The following CAPZB variants were observed in gnomAD, a reference collection of about 807,000 sequenced individuals.
CAPZB encodes the protein F-actin-capping protein subunit beta.
A neutral mutation model predicts 38.1 loss-of-function variants in CAPZB; 2 were observed. The observed-to-expected ratio is 0.05, with a 90% CI of 0.02 to 0.17. The LOEUF is 0.17. Among genes scored for constraint, CAPZB ranks in the 10% least tolerant of loss-of-function variants. The pLI is 1.00. For missense variants in CAPZB, 161 were observed against 334.2 expected (o/e 0.48, Z 4.04); for synonymous variants, 107 against 127.4 (o/e 0.84, Z 1.08).
chr1:19,363,259 A>AG (rs1558186990), intron 4 of CAPZB, among the ~76,000 whole-genome samples: 1 of 83,506 alleles, frequency 1.2e-5, no homozygotes, highest in Non-Finnish European at 2.7e-5. Context: ...TTAAAAAAAA[A>AG]ATTTTTTTTT....
chr1:19,364,510 C>A (rs1170073277), intron 4 of CAPZB, among the ~76,000 whole-genome samples: 1 of 152,212 alleles, frequency 6.6e-6, no homozygotes, highest in African/African-American at 2.4e-5. Context: ...GACTTCATGC[C>A]CTTTCCTTGC....
rs1372577366 is a variant in CAPZB at position 19,339,166 on chromosome 1, T to A, written c.*364A>T. On this transcript the variant is annotated 3_prime_UTR_variant, in exon 9 of 9. Transcript: ENST00000264202. ...AGTTAGTTCATAAAATTTTTTTGTT[T>A]TACATTTTTTACACCAATGTACCAA... 1 of 233,138 alleles carries A rather than the reference T, an allele frequency of 4.3e-6. No individual in the cohort carries two copies. Among genetic ancestry groups the A allele is most frequent in the East Asian group, 1.0e-4 (1 of 9,576 alleles). The allele number at this position is 233,138 out of a possible 1,614,324, so 14.4% of individuals were successfully genotyped here. A position where few individuals can be genotyped will look rare whatever the true frequency, so the allele number is the denominator to read the frequency against.
chr1:19,429,039 G>A (rs1021274878), intron 1 of CAPZB, among the ~76,000 whole-genome samples: 60 of 152,182 alleles, frequency 3.9e-4, no homozygotes, highest in African/African-American at 1.4e-3. Flanking sequence ...TGTATTACCT[G>A]CTCTACATTT....
chr1:19,451,235 G>A (rs2094515001), intron 1 of CAPZB, among the ~76,000 whole-genome samples: 1 of 152,186 alleles, frequency 6.6e-6, no homozygotes, highest in Non-Finnish European at 1.5e-5. Context: ...GAAATGCCCA[G>A]GGTCCACACA....
intron 1 of CAPZB, among the ~76,000 whole-genome samples, chr1:19,446,802 AT>A (rs2094497449): frequency 1.3e-5 from 2 of 152,232 alleles, no homozygotes; most frequent in African/African-American, 2.4e-5. Context: ...GAAATGATAT[AT>A]AAAAACGTTA....
At chr1:19,364,060 G>A (rs536062142) in intron 4 of CAPZB, among the ~76,000 whole-genome samples, 64 of 152,320 alleles carry the variant, frequency 4.2e-4, no homozygotes, top group Admixed American at 1.1e-3. Flanking sequence ...TACCTGTGAC[G>A]CTGAGGCACA....
intron 4 of CAPZB, among the ~76,000 whole-genome samples, chr1:19,363,618 GAAAAT>G (rs2100348496): frequency 6.6e-6 from 1 of 152,284 alleles, no homozygotes; most frequent in East Asian, 1.9e-4. Flanking sequence ...AAAAAGAAAA[GAAAAT>G]GTTTCAGCTC....
intron 1 of CAPZB, among the ~76,000 whole-genome samples, chr1:19,452,449 C>G (rs572408141): frequency 5.3e-5 from 8 of 152,318 alleles, no homozygotes; most frequent in Non-Finnish European, 8.8e-5. Flanking sequence ...ATTCCCGGAA[C>G]AATTCTATGA....
chr1:19,410,648 G>A (rs533775357), intron 2 of CAPZB, among the ~76,000 whole-genome samples: 1 of 152,352 alleles, frequency 6.6e-6, no homozygotes, highest in South Asian at 2.1e-4. Context: ...ACCAGCAGTG[G>A]CAGGAAGAGA....
At position 19,339,607 on chromosome 1, in the gene CAPZB, T is replaced by A. The variant is rs1014489127; in HGVS notation, c.742A>T (p.Thr248Ser). 3.1e-6 allele frequency: 5 copies of A among 1,613,384 alleles called. No individual in the cohort carries two copies. In the African/African-American group the frequency reaches 5.3e-5, roughly 17 times the overall value. Residue 248 changes from threonine to serine, a missense_variant, in exon 9 of 9, where the codon ACT becomes TCT. By Grantham distance (58) the Thr-to-Ser change is moderately conservative (BLOSUM62 1). Coordinates refer to ENST00000264202, the MANE Select transcript of CAPZB (RefSeq NM_004930.5). ...TCTTGTTTTGATTTGTCTGCAAAAG[T>A]CTGCACAGACCTGCAAGGGAGGAAA... ...DIVNGLRSVQTFADKSKQEAL... is the reference protein window; with the variant it reads ...DIVNGLRSVQSFADKSKQEAL...
rs745810413 is a variant in CAPZB, at chr1:19,356,607, G to C, written c.588+28C>G. On this transcript the variant is annotated intron_variant, in intron 6 of 8. Transcript: ENST00000264202. The surrounding 1 kb of genome is among the most constrained non-coding windows in gnomAD (Gnocchi z 4.3). ...CTGAGGCCAGCACCTGTGGGCACTG[G>C]CAAGTGGCTATGAGCGGGTAACTCT... The C allele has an allele frequency of 3.4e-6, 5 of 1,482,586 alleles. No individual in the cohort carries two copies. In the Admixed American group the frequency reaches 8.4e-5, roughly 25 times the overall value. The allele number at this position is 1,482,586 out of a possible 1,614,324, so 91.8% of individuals were successfully genotyped here. A position where few individuals can be genotyped will look rare whatever the true frequency, so the allele number is the denominator to read the frequency against.
At chr1:19,348,643 G>A (rs576686408) in intron 6 of CAPZB, among the ~76,000 whole-genome samples, 1 of 152,064 alleles carries the variant, frequency 6.6e-6, no homozygotes, top group Non-Finnish European at 1.5e-5. Flanking sequence ...AGAACATCAC[G>A]GCTCACTGGG....
At chr1:19,365,798 C>T (rs548061046) in intron 4 of CAPZB, among the ~76,000 whole-genome samples, 2 of 151,838 alleles carry the variant, frequency 1.3e-5, no homozygotes, top group South Asian at 4.2e-4. Context: ...CATGCCATTG[C>T]ACTCCAGCCT....
chr1:19,381,999 TG>T (rs1558206085), intron 3 of CAPZB, among the ~76,000 whole-genome samples: 1 of 152,092 alleles, frequency 6.6e-6, no homozygotes, highest in Non-Finnish European at 1.5e-5. Context: ...CTCCTTCCCC[TG>T]GGTGGCCCTT....
chr1:19,410,162 G>A (rs1040716606), intron 2 of CAPZB, among the ~76,000 whole-genome samples: 1 of 152,150 alleles, frequency 6.6e-6, no homozygotes, highest in Admixed American at 6.5e-5. Flanking sequence ...CTGTCTTCAC[G>A]CACTGCCTGC....
Position 19,339,445 on chromosome 1 carries a change from G to GACGA in CAPZB, c.*81_*84dup, listed in dbSNP as rs2100209861. The GACGA allele has an allele frequency of 1.0e-6, 1 of 953,290 alleles. No individual in the cohort carries two copies. Among genetic ancestry groups the GACGA allele is most frequent in the East Asian group, 2.4e-5 (1 of 41,952 alleles). The allele number at this position is 953,290 out of a possible 1,614,324, so 59.1% of individuals were successfully genotyped here. On this transcript the variant is annotated 3_prime_UTR_variant, in exon 9 of 9. Transcript: ENST00000264202. ...TATGTGACCTGTCGGGGAGGGAAGG[G>GACGA]ACGAGGGAAGGGAGCAGAAAACGAG...
At chr1:19,381,898 T>C (rs1274185210) in intron 3 of CAPZB, among the ~76,000 whole-genome samples, 1 of 152,112 alleles carries the variant, frequency 6.6e-6, no homozygotes, top group Admixed American at 6.5e-5. Flanking sequence ...GGTGAAAAGA[T>C]GCTGTCGCCA....
intron 1 of CAPZB, among the ~76,000 whole-genome samples, chr1:19,458,078 A>G (rs1247308618): frequency 7.0e-6 from 1 of 141,890 alleles, no homozygotes; most frequent in African/African-American, 2.7e-5. Context: ...CCTCATGTAT[A>G]TAAGAAATAA....
intron 2 of CAPZB, among the ~76,000 whole-genome samples, chr1:19,411,243 T>C (rs1224764616): frequency 1.3e-5 from 2 of 152,218 alleles, no homozygotes; most frequent in African/African-American, 2.4e-5. Context: ...TTTTTTTCCA[T>C]GTAATTGAAA....
Sources: gnomAD v4.1 joint callset for allele counts (sites outside exome capture counted in the v4.1 genomes callset) on GRCh38, gnomAD v4.1.1 for gene constraint, Gnocchi (gnomAD v3.1) non-coding constraint, MANE v1.5 for transcripts, NCBI Gene and HGNC (gene_info 2026-07-23, HGNC 2026-07-21) for gene names.